GPR62: variants seen among roughly 807,000 people sequenced by gnomAD.
GPR62 encodes G protein-coupled receptor 62.
For missense variants in GPR62, 513 were observed against 541.5 expected (o/e 0.95, Z 0.52); for synonymous variants, 280 against 286.9 (o/e 0.98, Z 0.24).
rs1699872985 is a variant in GPR62 at position 51,957,360 on chromosome 3, G to C, written c.*601G>C. On this transcript the variant is annotated 3_prime_UTR_variant, in exon 1 of 1. Transcript: ENST00000322241. ...ATGTGGAAGGGGCTGAGGCCTAATT[G>C]AGGTTGGTGGATTCACACATGGGGG... The C allele has an allele frequency of 6.0e-6, 1 of 167,408 alleles. No individual in the cohort carries two copies. The highest frequency in any genetic ancestry group is 1.5e-5 in the Non-Finnish European group (1 of 68,330). The allele number at this position is 167,408 out of a possible 1,614,324, so 10.4% of individuals were successfully genotyped here.
rs1204014202 is a variant in GPR62, at chr3:51,955,754, G to C, written c.102G>C (p.Ala34=). 1 of 1,604,134 alleles carries C rather than the reference G, an allele frequency of 6.2e-7. No homozygotes were observed. The highest frequency in any genetic ancestry group is 1.7e-4 in the Middle Eastern group (1 of 5,952). Residue 34 remains alanine, a synonymous_variant, in exon 1 of 1, where the codon GCG becomes GCC. Transcript: ENST00000322241. ...TGGGGGCACTGCTGGGCAACGGCGC[G>C]CTGCTGGTCGTGGTGCTGCGCACGC... ...VEVGALLGNG[A]LLVVVLRTPG...
rs766471434 is a variant in GPR62, at chr3:51,956,444, C to G, written c.792C>G (p.Pro264=). 2.0e-6 allele frequency: 3 copies of G among 1,529,364 alleles called. No homozygotes were observed. Among genetic ancestry groups the G allele is most frequent in the Middle Eastern group, 3.7e-4 (2 of 5,396 alleles). 94.7% of individuals were successfully genotyped at this position (1,529,364 alleles called of 1,614,324 possible). ...CTTATGGCTGCGCGTGCCTGGCGCCCGCAGCGCGGGCCGCGGAAGCCGAAG... is the reference window on the plus strand; with the variant it reads ...CTTATGGCTGCGCGTGCCTGGCGCCGGCAGCGCGGGCCGCGGAAGCCGAAG... ...WLPYGCACLA[P]AARAAEAEAA... is the part of the protein sequence containing the mutation. Residue 264 remains proline (P), a synonymous_variant, in exon 1 of 1, where the codon CCC becomes CCG. Transcript: ENST00000322241.
At position 51,956,549 on chromosome 3, in the gene GPR62, G is replaced by C. The variant is rs369081876; in HGVS notation, c.897G>C (p.Leu299Phe). The C allele has an allele frequency of 2.5e-6, 4 of 1,609,374 alleles. No homozygotes were observed. Among genetic ancestry groups the C allele is most frequent in the Non-Finnish European group, 3.4e-6 (4 of 1,178,776 alleles). ...LYGLLQRPVRLALGRLSRRAL... is the reference protein window; with the variant it reads ...LYGLLQRPVRFALGRLSRRAL... ...GGCTGCTGCAGCGCCCCGTGCGCTTGGCACTGGGCCGCCTCTCTCGCCGTG... is the reference window on the plus strand; with the variant it reads ...GGCTGCTGCAGCGCCCCGTGCGCTTCGCACTGGGCCGCCTCTCTCGCCGTG... The change falls in exon 1 of 1, where the codon TTG becomes TTC. Residue 299 changes from leucine (L) to phenylalanine (F), a missense_variant. Physicochemically the swap from Leu to Phe is conservative, Grantham distance 22. Coordinates refer to ENST00000322241, the MANE Select transcript of GPR62 (RefSeq NM_080865.4).
rs779053774 is a variant in GPR62 at position 51,956,456 on chromosome 3, C to T, written c.804C>T (p.Ala268=). 2 of 1,537,186 alleles carry T rather than the reference C, an allele frequency of 1.3e-6. No homozygotes were observed. Among genetic ancestry groups the T allele is most frequent in the South Asian group, 2.4e-5 (2 of 83,660 alleles). ...GCACLAPAAR[A]AEAEAAVTWV... ...CGTGCCTGGCGCCCGCAGCGCGGGC[C>T]GCGGAAGCCGAAGCGGCTGTCACCT... The change falls in exon 1 of 1, where the codon GCC becomes GCT. Residue 268 remains alanine, a synonymous_variant. Coordinates refer to ENST00000322241, the MANE Select transcript of GPR62 (RefSeq NM_080865.4).
In GPR62 at chr3:51,955,515, C is replaced by T. The variant is rs1559751091; in HGVS notation, c.-138C>T. 1 of 749,910 alleles carries T rather than the reference C, an allele frequency of 1.3e-6. No individual in the cohort carries two copies. The highest frequency in any genetic ancestry group is 2.1e-5 in the South Asian group (1 of 48,400). 46.5% of individuals were successfully genotyped at this position (749,910 alleles called of 1,614,324 possible). Reference sequence around the variant, plus strand: ...GATGGCAGCCTGGGCGTCGGAGCCACCTCCTGGGCAGCCAATGAGGTGAGG... The same window carrying T: ...GATGGCAGCCTGGGCGTCGGAGCCATCTCCTGGGCAGCCAATGAGGTGAGG... On this transcript the variant is annotated 5_prime_UTR_variant, in exon 1 of 1. Coordinates refer to ENST00000322241, the MANE Select transcript of GPR62 (RefSeq NM_080865.4).
In GPR62 at chr3:51,955,645, G is replaced by T. The variant is rs1310331825; in HGVS notation, c.-8G>T. 6.3e-7 allele frequency: 1 copy of T among 1,583,178 alleles called. No homozygotes were observed. On this transcript the variant is annotated 5_prime_UTR_variant, in exon 1 of 1. Coordinates refer to ENST00000322241, the MANE Select transcript of GPR62 (RefSeq NM_080865.4). ...CATCCCAGCGCAGGGTGAAGCCTGA[G>T]AGCCCAAATGGCCAACTCCACAGGG...
Position 51,956,247 on chromosome 3 carries a change from G to T in GPR62, c.595G>T (p.Ala199Ser). 1 of 1,549,450 alleles carries T rather than the reference G, an allele frequency of 6.5e-7. No individual in the cohort carries two copies. Among genetic ancestry groups the T allele is most frequent in the South Asian group, 1.2e-5 (1 of 85,376 alleles). ...LGAYGGIFVV[A>S]RRAALRPPRP... ...CGCCTACGGCGGCATCTTCGTGGTGGCGCGTCGCGCTGCCCTGAGGCCCCC... is the reference window on the plus strand; with the variant it reads ...CGCCTACGGCGGCATCTTCGTGGTGTCGCGTCGCGCTGCCCTGAGGCCCCC... The change falls in exon 1 of 1, where the codon GCG (alanine) becomes TCG (serine). Residue 199 changes from alanine (A) to serine (S), a missense_variant. Physicochemically the swap from Ala to Ser is moderately conservative, Grantham distance 99. Coordinates refer to ENST00000322241, the MANE Select transcript of GPR62 (RefSeq NM_080865.4).
Position 51,955,951 on chromosome 3 carries a change from C to G in GPR62, c.299C>G (p.Pro100Arg). 4 of 1,413,012 alleles carry G rather than the reference C, an allele frequency of 2.8e-6. No homozygotes were observed. The highest frequency in any genetic ancestry group is 1.4e-5 in the South Asian group (1 of 72,760). The allele number at this position is 1,413,012 out of a possible 1,614,324, so 87.5% of individuals were successfully genotyped here. ...AARFLSAALLPACTLGVAALG... is the reference protein window; with the variant it reads ...AARFLSAALLRACTLGVAALG... ...CGCTTCCTCTCCGCCGCTCTGCTGCCGGCCTGCACGCTCGGGGTGGCCGCA... is the reference window on the plus strand; with the variant it reads ...CGCTTCCTCTCCGCCGCTCTGCTGCGGGCCTGCACGCTCGGGGTGGCCGCA... The change falls in exon 1 of 1, where the codon CCG becomes CGG. Residue 100 changes from proline to arginine, a missense_variant. Coordinates refer to ENST00000322241, the MANE Select transcript of GPR62 (RefSeq NM_080865.4).
rs1699823168 is a variant in GPR62, at chr3:51,955,535, G to A, written c.-118G>A. On this transcript the variant is annotated 5_prime_UTR_variant, in exon 1 of 1. In the 5' UTR this introduces an upstream ATG that the reference lacks. Transcript: ENST00000322241. Reference sequence around the variant, plus strand: ...AGCCACCTCCTGGGCAGCCAATGAGGTGAGGGGCCGGAGGAGCAAGGGACA... The same window carrying A: ...AGCCACCTCCTGGGCAGCCAATGAGATGAGGGGCCGGAGGAGCAAGGGACA... The A allele has an allele frequency of 2.2e-6, 2 of 913,672 alleles. No homozygotes were observed. Among genetic ancestry groups the A allele is most frequent in the South Asian group, 1.9e-5 (1 of 53,070 alleles). The allele number at this position is 913,672 out of a possible 1,614,324, so 56.6% of individuals were successfully genotyped here.
In GPR62 at chr3:51,957,066, T is replaced by A. The variant is rs541503298; in HGVS notation, c.*307T>A. 10 of 396,060 alleles carry A rather than the reference T, an allele frequency of 2.5e-5. No homozygotes were observed. Among genetic ancestry groups the A allele is most frequent in the African/African-American group, 2.1e-4 (10 of 47,924 alleles). The allele number at this position is 396,060 out of a possible 1,614,324, so 24.5% of individuals were successfully genotyped here. A position where few individuals can be genotyped will look rare whatever the true frequency, so the allele number is the denominator to read the frequency against. On this transcript the variant is annotated 3_prime_UTR_variant, in exon 1 of 1. Coordinates refer to ENST00000322241, the MANE Select transcript of GPR62 (RefSeq NM_080865.4). ...TGGTCCCCAGGCCAAGATGGGCAGGTGTCACAAAGAAGAGGGCCCTAAGGG... is the reference window on the plus strand; with the variant it reads ...TGGTCCCCAGGCCAAGATGGGCAGGAGTCACAAAGAAGAGGGCCCTAAGGG...
At position 51,956,362 on chromosome 3, in the gene GPR62, G is replaced by A; in HGVS notation, c.710G>A (p.Gly237Asp). 4 of 1,541,966 alleles carry A rather than the reference G, an allele frequency of 2.6e-6. No individual in the cohort carries two copies. The highest frequency in any genetic ancestry group is 2.6e-6 in the Non-Finnish European group (3 of 1,153,228). The change falls in exon 1 of 1, where the codon GGC becomes GAC. Residue 237 changes from glycine to aspartate, a missense_variant. Gly to Asp is a moderately conservative substitution (Grantham distance 94, BLOSUM62 -1). Transcript: ENST00000322241. ...LPPLRPRLPG[G>D]KAALAPALAV... is the part of the protein sequence containing the mutation. ...CCGCTCCGGCCTCGCCTGCCCGGGG[G>A]CAAGGCGGCCCTGGCCCCAGCGCTG...
chr3:51,955,592 G>A lies in GPR62; in HGVS notation c.-61G>A. 1 of 1,359,304 alleles carries A rather than the reference G, an allele frequency of 7.4e-7. No individual in the cohort carries two copies. The highest frequency in any genetic ancestry group is 1.0e-6 in the Non-Finnish European group (1 of 1,001,752). The allele number at this position is 1,359,304 out of a possible 1,614,324, so 84.2% of individuals were successfully genotyped here. ...GCAGAGGACAGGTGATGGAAATCCT[G>A]CAGCTTTAGGCTCCATTCTGCCATC... is the stretch of plus-strand genomic sequence containing the variant. On this transcript the variant is annotated 5_prime_UTR_variant, in exon 1 of 1. Transcript: ENST00000322241.
Position 51,956,192 on chromosome 3 carries a change from C to T in GPR62, c.540C>T (p.Ala180=). The change falls in exon 1 of 1, where the codon GCC becomes GCT. Residue 180 remains alanine, a synonymous_variant. Transcript: ENST00000322241. ...GPFRPLWALL[A]FALPALLLLG... ...TCCGGCCGCTCTGGGCCCTGCTGGC[C>T]TTCGCGCTGCCCGCCCTCCTGCTGC... 3 of 1,504,662 alleles carry T rather than the reference C, an allele frequency of 2.0e-6. No homozygotes were observed. Among genetic ancestry groups the T allele is most frequent in the East Asian group, 2.7e-5 (1 of 36,794 alleles). The allele number at this position is 1,504,662 out of a possible 1,614,324, so 93.2% of individuals were successfully genotyped here.
chr3:51,956,569 G>C lies in GPR62; in HGVS notation c.917G>C (p.Arg306Pro), dbSNP rs752010025. 1 of 1,611,210 alleles carries C rather than the reference G, an allele frequency of 6.2e-7. No individual in the cohort carries two copies. Among genetic ancestry groups the C allele is most frequent in the Admixed American group, 1.7e-5 (1 of 59,876 alleles). ...PVRLALGRLSRRALPGPVRAC... is the reference protein window; with the variant it reads ...PVRLALGRLSPRALPGPVRAC... ...CGCTTGGCACTGGGCCGCCTCTCTC[G>C]CCGTGCACTGCCTGGACCTGTGCGG... is the stretch of plus-strand genomic sequence containing the variant. The change falls in exon 1 of 1, where the codon CGC (arginine) becomes CCC (proline). Residue 306 changes from arginine to proline, a missense_variant. Coordinates refer to ENST00000322241, the MANE Select transcript of GPR62 (RefSeq NM_080865.4).
chr3:51,955,565 G>T lies in GPR62; in HGVS notation c.-88G>T. The T allele has an allele frequency of 8.6e-7, 1 of 1,158,546 alleles. No individual in the cohort carries two copies. Among genetic ancestry groups the T allele is most frequent in the African/African-American group, 1.6e-5 (1 of 62,448 alleles). The allele number at this position is 1,158,546 out of a possible 1,614,324, so 71.8% of individuals were successfully genotyped here. A position where few individuals can be genotyped will look rare whatever the true frequency, so the allele number is the denominator to read the frequency against. ...GGGCCGGAGGAGCAAGGGACAAGAG[G>T]AGCAGAGGACAGGTGATGGAAATCC... On this transcript the variant is annotated 5_prime_UTR_variant, in exon 1 of 1. Coordinates refer to ENST00000322241, the MANE Select transcript of GPR62 (RefSeq NM_080865.4).
rs759929778 is a variant in GPR62 at position 51,955,637 on chromosome 3, A to G, written c.-16A>G. The G allele has an allele frequency of 6.4e-7, 1 of 1,572,464 alleles. No individual in the cohort carries two copies. Among genetic ancestry groups the G allele is most frequent in the Admixed American group, 1.8e-5 (1 of 56,284 alleles). On this transcript the variant is annotated 5_prime_UTR_variant, in exon 1 of 1. Transcript: ENST00000322241. Reference sequence around the variant, plus strand: ...GCCATCTACATCCCAGCGCAGGGTGAAGCCTGAGAGCCCAAATGGCCAACT... The same window carrying G: ...GCCATCTACATCCCAGCGCAGGGTGGAGCCTGAGAGCCCAAATGGCCAACT...
rs780179694 is a variant in GPR62 at position 51,956,336 on chromosome 3, G to A, written c.684G>A (p.Pro228=). ...DSLDSRLSIL[P]PLRPRLPGGK... is the part of the protein sequence containing the mutation. ...TGGATAGCCGCCTTTCCATCTTGCCGCCGCTCCGGCCTCGCCTGCCCGGGG... is the reference window on the plus strand; with the variant it reads ...TGGATAGCCGCCTTTCCATCTTGCCACCGCTCCGGCCTCGCCTGCCCGGGG... Residue 228 remains proline (P), a synonymous_variant, in exon 1 of 1, where the codon CCG becomes CCA. Transcript: ENST00000322241. 1 of 1,556,012 alleles carries A rather than the reference G, an allele frequency of 6.4e-7. No individual in the cohort carries two copies. The highest frequency in any genetic ancestry group is 8.6e-7 in the Non-Finnish European group (1 of 1,160,948).
In GPR62 at chr3:51,956,958, T is replaced by C; in HGVS notation, c.*199T>C. 1.1e-6 allele frequency: 1 copy of C among 878,564 alleles called. No individual in the cohort carries two copies. Among genetic ancestry groups the C allele is most frequent in the Non-Finnish European group, 1.6e-6 (1 of 616,232 alleles). The allele number at this position is 878,564 out of a possible 1,614,324, so 54.4% of individuals were successfully genotyped here. ...ATAGCACTGTGCATAGGCCGACCCT[T>C]CCTTAGGCCTCAGCTTTCCCATCTG... On this transcript the variant is annotated 3_prime_UTR_variant, in exon 1 of 1. Transcript: ENST00000322241.
chr3:51,956,273 A>G lies in GPR62; in HGVS notation c.621A>G (p.Pro207=). Residue 207 remains proline (P), a synonymous_variant, in exon 1 of 1, where the codon CCA becomes CCG. Coordinates refer to ENST00000322241, the MANE Select transcript of GPR62 (RefSeq NM_080865.4). ...VVARRAALRP[P]RPARGSRLHS... is the part of the protein sequence containing the mutation. ...CGCGTCGCGCTGCCCTGAGGCCCCC[A>G]CGGCCGGCGCGCGGGTCCCGACTCC... is the stretch of plus-strand genomic sequence containing the variant. 1 of 1,563,456 alleles carries G rather than the reference A, an allele frequency of 6.4e-7. No homozygotes were observed. The highest frequency in any genetic ancestry group is 8.6e-7 in the Non-Finnish European group (1 of 1,166,300).
Sources: allele counts gnomAD v4.1 joint callset, GRCh38; gene constraint gnomAD v4.1.1; transcripts MANE v1.5; gene names NCBI Gene and HGNC (gene_info 2026-07-23, HGNC 2026-07-21).